The following DOK6 variants were observed in gnomAD, a reference collection of about 807,000 sequenced individuals.
DOK6 encodes the protein docking protein 6.
In DOK6, 22 loss-of-function variants were observed where a neutral mutation model predicts 44.0. The observed-to-expected ratio is 0.50, with a 90% CI of 0.36 to 0.71. The LOEUF (loss-of-function observed/expected upper bound fraction) is 0.71. Among genes scored for constraint, DOK6 ranks in the 30% least tolerant of loss-of-function variants. DOK6 has a pLI of 0.00. For missense variants in DOK6, 340 were observed against 416.4 expected (o/e 0.82, Z 1.60); for synonymous variants, 166 against 145.5 (o/e 1.14, Z -1.01).
chr18:69,588,131 C>G (rs1224260736), intron 2 of DOK6, among the ~76,000 whole-genome samples: 1 of 152,152 alleles, frequency 6.6e-6, no homozygotes, highest in Non-Finnish European at 1.5e-5. Flanking sequence ...CCCTTATTCT[C>G]TCTATGACAT....
chr18:69,500,062 CT>C (rs1002731318), intron 1 of DOK6, among the ~76,000 whole-genome samples: 3 of 152,116 alleles, frequency 2.0e-5, no homozygotes, highest in African/African-American at 7.2e-5. Flanking sequence ...ACCCCATCGA[CT>C]TCAACCTCAG....
chr18:69,423,507 G>C (rs1465280634), intron 1 of DOK6, among the ~76,000 whole-genome samples: 1 of 152,050 alleles, frequency 6.6e-6, no homozygotes, highest in African/African-American at 2.4e-5. Context: ...ACAGTATCAG[G>C]TATTGCTGAT....
chr18:69,603,553 C>T (rs1192239624), intron 3 of DOK6, among the ~76,000 whole-genome samples: 2 of 152,104 alleles, frequency 1.3e-5, no homozygotes, highest in African/African-American at 4.8e-5. Flanking sequence ...GGGTGGATCA[C>T]GAGGTCAGGA....
rs1283747367 is a variant in DOK6, at chr18:69,617,664, TAAG to T, written c.289+18168_289+18170del. On this transcript the variant is annotated intron_variant, in intron 3 of 7. Coordinates refer to ENST00000382713, the MANE Select transcript of DOK6 (RefSeq NM_152721.6). ...GGAAGGAAGGAGGGGAAAAGAGCGA[TAAG>T]AGAAAAGAAGAAAAAGAAAGAAAGA... is the stretch of plus-strand genomic sequence containing the variant. Among the ~76,000 whole-genome samples the T allele has an allele frequency of 5.9e-5, 4 of 68,052 alleles. No individual in the cohort carries two copies. The South Asian group carries it at 2.1e-3, about 37-fold the overall frequency. The allele number at this position is 68,052 out of a possible 152,430, so 44.6% of individuals were successfully genotyped here. A position where few individuals can be genotyped will look rare whatever the true frequency, so the allele number is the denominator to read the frequency against.
chr18:69,595,850 T>A (rs1983728508), intron 2 of DOK6, among the ~76,000 whole-genome samples: 1 of 152,138 alleles, frequency 6.6e-6, no homozygotes, highest in African/African-American at 2.4e-5. Flanking sequence ...CAAAGACCCC[T>A]CATATATACT....
chr18:69,675,280 G>T (rs17789474), intron 3 of DOK6, among the ~76,000 whole-genome samples: 16,804 of 152,156 alleles, frequency 0.11, 1,217 homozygotes, highest in South Asian at 0.23. Context: ...TTAACACAAA[G>T]AAGGAGTGAA....
intron 7 of DOK6, among the ~76,000 whole-genome samples, chr18:69,802,550 T>C (rs1980933069): frequency 6.6e-6 from 1 of 151,956 alleles, no homozygotes. Context: ...TGAAGGAGGG[T>C]CTAGTGGGAG....
At chr18:69,606,783 CAG>C (rs1486553563) in intron 3 of DOK6, among the ~76,000 whole-genome samples, 4 of 107,290 alleles carry the variant, frequency 3.7e-5, no homozygotes, top group Non-Finnish European at 7.3e-5. Context: ...TTTTTGGAGA[CAG>C]AGTCTCTTTC....
chr18:69,712,036 C>T (rs1446017284), intron 5 of DOK6, among the ~76,000 whole-genome samples: 4 of 151,790 alleles, frequency 2.6e-5, no homozygotes, highest in Non-Finnish European at 4.4e-5. Context: ...AATCCCAGCA[C>T]TTTGGGAGGC....
chr18:69,584,535 G>A (rs537233530), intron 2 of DOK6, among the ~76,000 whole-genome samples: 16 of 152,192 alleles, frequency 1.1e-4, no homozygotes, highest in African/African-American at 2.6e-4. Flanking sequence ...CAAGCAGTCC[G>A]CTCACTTCGG....
At chr18:69,757,588 ATT>A (rs1299231755) in intron 6 of DOK6, among the ~76,000 whole-genome samples, 166 bp from the exon 7 acceptor site, 4 of 151,636 alleles carry the variant, frequency 2.6e-5, no homozygotes, top group African/African-American at 9.6e-5. Flanking sequence ...TTCCTTTCAT[ATT>A]TTTGAGTAAT....
Position 69,608,516 on chromosome 18 carries a change from A to G in DOK6, c.289+9018A>G, listed in dbSNP as rs538980844. On this transcript the variant is annotated intron_variant, in intron 3 of 7. Coordinates refer to ENST00000382713, the MANE Select transcript of DOK6 (RefSeq NM_152721.6). The stretch of plus-strand genomic sequence containing the variant: ...TTTTGTGGCTCCATATGAATTGTAG[A>G]ATTTTTTTTATTTTTGTAAAAAAAG... Among the ~76,000 whole-genome samples the G allele has an allele frequency of 3.3e-5, 5 of 152,238 alleles. No homozygotes were observed. The East Asian group carries it at 9.6e-4, about 29-fold the overall frequency.
intron 1 of DOK6, among the ~76,000 whole-genome samples, chr18:69,484,012 T>C (rs1980504009): frequency 6.6e-6 from 1 of 152,064 alleles, no homozygotes; most frequent in Non-Finnish European, 1.5e-5. Context: ...TAACAATGAA[T>C]CCTAATGTTT....
chr18:69,420,443 T>C (rs1978458185), intron 1 of DOK6, among the ~76,000 whole-genome samples: 1 of 152,162 alleles, frequency 6.6e-6, no homozygotes, highest in Non-Finnish European at 1.5e-5. Flanking sequence ...ACAGCTATAC[T>C]GTTCTGTGGG....
intron 7 of DOK6, among the ~76,000 whole-genome samples, chr18:69,762,456 C>T (rs1429971097): frequency 6.6e-6 from 1 of 152,200 alleles, no homozygotes; most frequent in Non-Finnish European, 1.5e-5. Context: ...CAACTGTCAT[C>T]ACTGATTTTG....
rs987879226 is a variant in DOK6, at chr18:69,684,796, A to G, written c.409+6943A>G. 5.3e-5 allele frequency among the ~76,000 whole-genome samples: 8 copies of G among 152,266 alleles called. No homozygotes were observed. In the South Asian group the frequency reaches 1.0e-3, roughly 20 times the overall value. On this transcript the variant is annotated intron_variant, in intron 4 of 7. Transcript: ENST00000382713. ...GACAATGTTATTGGAAGCCAGAGAG[A>G]TTTAAGAAAGTAAAGAGCCTCAATT...
intron 5 of DOK6, among the ~76,000 whole-genome samples, chr18:69,730,522 T>C (rs1452856928): frequency 1.3e-5 from 2 of 152,198 alleles, no homozygotes; most frequent in East Asian, 1.9e-4. Flanking sequence ...ATACTTTTAT[T>C]TTTGATAGGG....
At chr18:69,619,502 C>T (rs1397238918) in intron 3 of DOK6, among the ~76,000 whole-genome samples, 1 of 152,192 alleles carries the variant, frequency 6.6e-6, no homozygotes, top group African/African-American at 2.4e-5. Flanking sequence ...GCACTACATG[C>T]CTCTTGGAAT....
intron 2 of DOK6, among the ~76,000 whole-genome samples, chr18:69,576,158 G>A (rs900885665): frequency 1.3e-5 from 2 of 152,110 alleles, no homozygotes; most frequent in Admixed American, 6.5e-5. Context: ...TGAGAAAGGC[G>A]AGATGTGGAA....
Sources: allele counts gnomAD v4.1 joint callset (sites outside exome capture counted in the v4.1 genomes callset), GRCh38; gene constraint gnomAD v4.1.1; transcripts MANE v1.5; gene names NCBI Gene and HGNC (gene_info 2026-07-23, HGNC 2026-07-21).